Variants in ATP8A2 observed in about 807,000 individuals in gnomAD.
The protein encoded by ATP8A2 is phospholipid-transporting ATPase IB.
ATP8A2 carries 100 observed loss-of-function variants against 165.6 expected under a neutral mutation model. The observed-to-expected ratio is 0.60, with a 90% CI of 0.51 to 0.71. The LOEUF (loss-of-function observed/expected upper bound fraction) is 0.71, where lower values mean the gene tolerates loss of function less well. Ranked by LOEUF, ATP8A2 falls within the 30% of genes least tolerant of loss-of-function variation. The pLI is 0.00. For synonymous variants in ATP8A2, 543 were observed against 548.8 expected, an observed-to-expected ratio of 0.99 and a Z score of 0.15; for missense variants, 1,227 against 1,479.5, an observed-to-expected ratio of 0.83 and a Z score of 2.80.
chr13:25,533,344 C>T (rs979149461), intron 6 of ATP8A2, 31 bp downstream of exon 6: 1 of 1,312,540 alleles, frequency 7.6e-7, no homozygotes, highest in African/African-American at 1.5e-5. Flanking sequence ...TGTACCAGTA[C>T]TATTGGTTTG....
chr13:25,571,236 C>T lies in ATP8A2; in HGVS notation c.1579+364C>T, dbSNP rs114165920. 7.2e-3 allele frequency among the ~76,000 whole-genome samples: 1,100 copies of T among 152,278 alleles called. 17 individuals are homozygous for T. The highest frequency in any genetic ancestry group is 0.026 in the African/African-American group (1,065 of 41,536). On this transcript the variant is annotated intron_variant, in intron 17 of 36. Coordinates refer to ENST00000381655, the MANE Select transcript of ATP8A2 (RefSeq NM_016529.6). ...AGCTGTGCATGGGGGTACTCTCTAC[C>T]CACTTCCTGAGGCTTGGGAATCCCA...
In ATP8A2 at chr13:25,432,885, T is replaced by C. The variant is rs76558659; in HGVS notation, c.77-36092T>C. Among the ~76,000 whole-genome samples, 1,287 of 152,296 alleles carry C rather than the reference T, an allele frequency of 8.5e-3. 20 individuals are homozygous for C. Among genetic ancestry groups the C allele is most frequent in the African/African-American group, 0.029 (1,192 of 41,556 alleles). ...AACAGAGTTCATGAGAGGGTCAGTT[T>C]GTGACCCGTGCTTTCCGGCACATGT... is the stretch of plus-strand genomic sequence containing the variant. On this transcript the variant is annotated intron_variant, in intron 1 of 36. Coordinates refer to ENST00000381655, the MANE Select transcript of ATP8A2 (RefSeq NM_016529.6).
Position 25,551,449 on chromosome 13 carries a change from G to T in ATP8A2, c.1003G>T (p.Ala335Ser), listed in dbSNP as rs1165709480. 6.2e-7 allele frequency: 1 copy of T among 1,614,046 alleles called. No individual in the cohort carries two copies. Among genetic ancestry groups the T allele is most frequent in the Admixed American group, 1.7e-5 (1 of 60,026 alleles). Residue 335 changes from alanine (A) to serine (S), a missense_variant, in exon 11 of 37, where the codon GCC becomes TCC. This residue lies in a region of ATP8A2 where 592 missense variants were observed against 785.6 expected (regional missense o/e 0.75). Transcript: ENST00000381655. ...LVMALVSSAG[A>S]LYWNRSHGEK... The stretch of plus-strand genomic sequence containing the variant: ...CATGGCCTTGGTGAGCTCGGCGGGG[G>T]CCCTGTACTGGAACAGGTCTCATGG...
chr13:25,762,865 A>AT (rs2044411479), intron 25 of ATP8A2, among the ~76,000 whole-genome samples: 1 of 152,204 alleles, frequency 6.6e-6, no homozygotes, highest in Non-Finnish European at 1.5e-5. Flanking sequence ...TGATTAAATA[A>AT]TTTTTTAAAA....
chr13:25,529,355 T>C (rs1354575532), intron 2 of ATP8A2, among the ~76,000 whole-genome samples: 5 of 152,210 alleles, frequency 3.3e-5, no homozygotes, highest in Non-Finnish European at 7.3e-5. Context: ...GTCGTTCCCA[T>C]AATCTGTTCT....
rs138291936 is a variant in ATP8A2, at chr13:25,505,599, A to C, written c.222-24400A>C. Among the ~76,000 whole-genome samples, 18 of 152,240 alleles carry C rather than the reference A, an allele frequency of 1.2e-4. 1 individual carries two copies. The highest frequency in any genetic ancestry group is 3.3e-4 in the Admixed American group (5 of 15,294). ...TCTGACCTAGAGACTCTATCTCTCT[A>C]GAGATATTATAGTTCCAAATCTGTA... On this transcript the variant is annotated intron_variant, in intron 2 of 36. Transcript: ENST00000381655.
chr13:25,850,699 A>G (rs191413560), intron 30 of ATP8A2, among the ~76,000 whole-genome samples: 29 of 152,348 alleles, frequency 1.9e-4, no homozygotes, highest in Admixed American at 1.9e-3. Context: ...TAGAATTGTA[A>G]CAGAGCTGTT....
At chr13:25,721,759 C>G (rs2043386825) in intron 25 of ATP8A2, among the ~76,000 whole-genome samples, 3 of 152,202 alleles carry the variant, frequency 2.0e-5, no homozygotes, top group Admixed American at 6.5e-5. Flanking sequence ...TCATCCACAT[C>G]CATGTATGTG....
chr13:25,978,618 G>C (rs1956112172), intron 35 of ATP8A2, among the ~76,000 whole-genome samples: 1 of 152,032 alleles, frequency 6.6e-6, no homozygotes, highest in South Asian at 2.1e-4. Flanking sequence ...TGGATCCCTG[G>C]GACGTCCTGG....
intron 33 of ATP8A2, among the ~76,000 whole-genome samples, chr13:25,949,300 A>C (rs1955286867): frequency 6.6e-6 from 1 of 152,226 alleles, no homozygotes; most frequent in Non-Finnish European, 1.5e-5. Context: ...GACCCATCTC[A>C]GGGCTCCTCA....
chr13:25,948,543 G>A (rs1955269354), intron 33 of ATP8A2, among the ~76,000 whole-genome samples: 1 of 152,122 alleles, frequency 6.6e-6, no homozygotes, highest in African/African-American at 2.4e-5. Flanking sequence ...GCTTGCTATG[G>A]ACTGAATGTG....
intron 1 of ATP8A2, among the ~76,000 whole-genome samples, chr13:25,461,529 C>T (rs369878666): frequency 4.1e-4 from 63 of 152,262 alleles, no homozygotes; most frequent in African/African-American, 1.4e-3. Flanking sequence ...TTTGTAATGA[C>T]TGCACTGTTT....
At chr13:25,663,442 C>T (rs1262705487) in intron 24 of ATP8A2, among the ~76,000 whole-genome samples, 2 of 152,138 alleles carry the variant, frequency 1.3e-5, no homozygotes, top group East Asian at 3.9e-4. Flanking sequence ...TTAAAATGAA[C>T]TAGAGTACAA....
intron 2 of ATP8A2, among the ~76,000 whole-genome samples, chr13:25,490,906 T>C (rs537963611): frequency 6.6e-6 from 1 of 151,992 alleles, no homozygotes; most frequent in Admixed American, 6.6e-5. Flanking sequence ...CATGCGTGAC[T>C]AATTAAAGAA....
intron 35 of ATP8A2, among the ~76,000 whole-genome samples, chr13:26,001,849 A>G (rs1281163694): frequency 1.3e-5 from 2 of 152,102 alleles, no homozygotes; most frequent in Non-Finnish European, 2.9e-5. Flanking sequence ...ATGACCTTTG[A>G]TGCACAAAAG....
chr13:25,851,848 T>C (rs979952496), intron 30 of ATP8A2, among the ~76,000 whole-genome samples: 8 of 43,050 alleles, frequency 1.9e-4, no homozygotes, highest in African/African-American at 6.1e-4. Context: ...TATTTTCTTT[T>C]AAAAATGTTT....
In ATP8A2 at chr13:25,385,116, C is replaced by A. The variant is rs140891183; in HGVS notation, c.76+12828C>A. 2.2e-3 allele frequency among the ~76,000 whole-genome samples: 333 copies of A among 152,294 alleles called. 2 individuals are homozygous for A. The highest frequency in any genetic ancestry group is 7.0e-3 in the African/African-American group (290 of 41,548). On this transcript the variant is annotated intron_variant, in intron 1 of 36. Coordinates refer to ENST00000381655, the MANE Select transcript of ATP8A2 (RefSeq NM_016529.6). ...GTGTTTTAGTGGTTTAACCCTTAAC[C>A]CAGTGTCTTTAGGGACCACATTAGC...
At chr13:25,886,624 C>T (rs994288514) in intron 33 of ATP8A2, among the ~76,000 whole-genome samples, 7 of 152,230 alleles carry the variant, frequency 4.6e-5, no homozygotes, top group South Asian at 2.1e-4. Flanking sequence ...TCTGAGAGCG[C>T]GGCTTCGTGG....
chr13:25,804,084 G>A (rs1950677475), intron 27 of ATP8A2, among the ~76,000 whole-genome samples: 1 of 152,206 alleles, frequency 6.6e-6, no homozygotes, highest in Admixed American at 6.5e-5. Context: ...TTCCACTGGC[G>A]AAGTCACTAC....
Sources: gnomAD v4.1 joint callset for allele counts (sites outside exome capture counted in the v4.1 genomes callset) on GRCh38, gnomAD v4.1.1 for gene constraint, gnomAD v4.1.1 regional missense constraint, MANE v1.5 for transcripts, NCBI Gene and HGNC (gene_info 2026-07-23, HGNC 2026-07-21) for gene names.